Variants in NXPE3 observed in about 807,000 individuals in gnomAD.
NXPE3 encodes the protein neurexophilin and PC-esterase domain family member 3, also known as NXPE family member 3.
In NXPE3, 26 loss-of-function variants were observed where a neutral mutation model predicts 46.1. The ratio of observed to expected loss-of-function variants is 0.56; its 90% CI spans 0.41 to 0.78. The LOEUF (loss-of-function observed/expected upper bound fraction) is 0.78. NXPE3 is among the 30% of genes least tolerant of loss of function. NXPE3 has a pLI of 0.00. For missense variants in NXPE3, 620 were observed against 686.0 expected, an observed-to-expected ratio of 0.90 and a Z score of 1.07; for synonymous variants, 272 against 257.9, an observed-to-expected ratio of 1.05 and a Z score of -0.52.
In NXPE3 at chr3:101,826,334, A is replaced by G. The variant is rs969688901; in HGVS notation, c.*4380A>G. On this transcript the variant is annotated 3_prime_UTR_variant, in exon 8 of 8. Coordinates refer to ENST00000273347, the MANE Select transcript of NXPE3 (RefSeq NM_145037.4). Reference sequence around the variant, plus strand: ...CAGAAATAAGCCTCCCCAACTTTCTAAAAAACTGCTCAGCATTATCTCTGT... The same window carrying G: ...CAGAAATAAGCCTCCCCAACTTTCTGAAAAACTGCTCAGCATTATCTCTGT... 2.0e-5 allele frequency: 3 copies of G among 152,170 alleles called. No homozygotes were observed. Among genetic ancestry groups the G allele is most frequent in the African/African-American group, 7.2e-5 (3 of 41,432 alleles). The allele number at this position is 152,170 out of a possible 1,614,324, so 9.4% of individuals were successfully genotyped here.
chr3:101,798,604 T>TA (rs201050841), intron 4 of NXPE3, among the ~76,000 whole-genome samples: 27,657 of 120,790 alleles, frequency 0.23, 2,703 homozygotes, highest in Non-Finnish European at 0.27. Context: ...ATATATATAT[T>TA]TTTTTTTTTT....
At chr3:101,818,740 TA>T (rs1560067296) in intron 7 of NXPE3, among the ~76,000 whole-genome samples, 18 of 33,482 alleles carry the variant, frequency 5.4e-4, no homozygotes, top group African/African-American at 1.8e-3. Context: ...TATATATATA[TA>T]TATATATATA....
At chr3:101,803,396 A>G (rs2107303788) in intron 5 of NXPE3, among the ~76,000 whole-genome samples, 1 of 152,320 alleles carries the variant, frequency 6.6e-6, no homozygotes, top group Non-Finnish European at 1.5e-5. Context: ...TACAGTGTTT[A>G]CTGTACTGCT....
At chr3:101,790,005 G>A (rs1177440057) in intron 4 of NXPE3, among the ~76,000 whole-genome samples, 1 of 152,126 alleles carries the variant, frequency 6.6e-6, no homozygotes, top group Non-Finnish European at 1.5e-5. Context: ...ATATTATTTA[G>A]AAGTGTTATT....
intron 7 of NXPE3, 98 bp downstream of exon 7, chr3:101,817,099 A>G: frequency 9.5e-7 from 1 of 1,051,738 alleles, no homozygotes; most frequent in Admixed American, 1.8e-5. Context: ...CAGGTGAGGA[A>G]ACATATATTT....
intron 6 of NXPE3, among the ~76,000 whole-genome samples, chr3:101,807,604 A>C (rs748064838): frequency 6.6e-6 from 1 of 151,894 alleles, no homozygotes; most frequent in Non-Finnish European, 1.5e-5. Flanking sequence ...GATTACAGAC[A>C]TGTGCACGGC....
chr3:101,814,774 T>TTATTCTTCAAGA (rs1032590323), intron 6 of NXPE3, among the ~76,000 whole-genome samples: 2 of 151,668 alleles, frequency 1.3e-5, no homozygotes, highest in African/African-American at 4.8e-5. Flanking sequence ...TAGAAATGAA[T>TTATTCTTCAAGA]AAATATATAC....
rs376629391 is a variant in NXPE3 at position 101,816,990 on chromosome 3, C to T, written c.1118C>T (p.Thr373Ile). 3 of 1,613,890 alleles carry T rather than the reference C, an allele frequency of 1.9e-6. No homozygotes were observed. In the African/African-American group the frequency reaches 4.0e-5, roughly 22 times the overall value. ...TIRQWFEYLTTFVPDLVEFNL... is the reference protein window; with the variant it reads ...TIRQWFEYLTIFVPDLVEFNL... The stretch of plus-strand genomic sequence containing the variant: ...AGGCAATGGTTTGAATACCTTACTA[C>T]ATTTGTTCCAGGTTGGTACTGTGCC... Residue 373 changes from threonine (T) to isoleucine (I), a missense_variant, in exon 7 of 8, where the codon ACA becomes ATA. By Grantham distance (89) the Thr-to-Ile change is moderately conservative. Around this residue, in one of 3 missense-constraint regions of NXPE3, gnomAD observed 511 missense variants for 528.6 expected, o/e 0.97. Coordinates refer to ENST00000273347, the MANE Select transcript of NXPE3 (RefSeq NM_145037.4).
intron 4 of NXPE3, among the ~76,000 whole-genome samples, chr3:101,793,795 A>G (rs1357092652): frequency 6.6e-6 from 1 of 151,830 alleles, no homozygotes; most frequent in Non-Finnish European, 1.5e-5. Flanking sequence ...ACATATGCTT[A>G]TCATCGCTCT....
chr3:101,800,665 T>A (rs558249427), intron 4 of NXPE3, among the ~76,000 whole-genome samples: 68 of 152,340 alleles, frequency 4.5e-4, no homozygotes, highest in Non-Finnish European at 8.4e-4. Context: ...CCTCACATGT[T>A]TTGATACTCA....
At position 101,801,381 on chromosome 3, in the gene NXPE3, C is replaced by T; in HGVS notation, c.240C>T (p.Ser80=). ...LSSQERMEED[S]LLAALHRQVP... ...GCCAGGAGCGCATGGAGGAGGACTC[C>T]TTGCTGGCTGCCTTGCACCGGCAGG... The change falls in exon 5 of 8, where the codon TCC becomes TCT. Residue 80 remains serine (S), a synonymous_variant. Transcript: ENST00000273347. 2 of 1,614,228 alleles carry T rather than the reference C, an allele frequency of 1.2e-6. No individual in the cohort carries two copies. Among genetic ancestry groups the T allele is most frequent in the Non-Finnish European group, 8.5e-7 (1 of 1,180,052 alleles).
At chr3:101,791,200 G>A (rs1314779758) in intron 4 of NXPE3, among the ~76,000 whole-genome samples, 1 of 151,968 alleles carries the variant, frequency 6.6e-6, no homozygotes, top group African/African-American at 2.4e-5. Context: ...GCCGTATTTG[G>A]TTTTCTGTTC....
chr3:101,812,049 A>C (rs1941737372), intron 6 of NXPE3, among the ~76,000 whole-genome samples: 1 of 152,090 alleles, frequency 6.6e-6, no homozygotes, highest in African/African-American at 2.4e-5. Flanking sequence ...CAGTAGTGAA[A>C]TTTATCAACC....
At chr3:101,788,598 AG>A (rs1940326001) in intron 4 of NXPE3, among the ~76,000 whole-genome samples, 1 of 152,204 alleles carries the variant, frequency 6.6e-6, no homozygotes, top group Admixed American at 6.5e-5. Flanking sequence ...AGTTATTTTT[AG>A]GTGTACAGGT....
At chr3:101,816,735 AT>A in intron 6 of NXPE3, 59 bp from the exon 7 acceptor site, 2 of 1,324,116 alleles carry the variant, frequency 1.5e-6, no homozygotes, top group Non-Finnish European at 2.1e-6. Flanking sequence ...TTCTTGGGAC[AT>A]TTTTCATCTA....
intron 4 of NXPE3, among the ~76,000 whole-genome samples, chr3:101,794,252 A>T (rs559446925): frequency 6.6e-6 from 1 of 152,026 alleles, no homozygotes; most frequent in Admixed American, 6.6e-5. Context: ...AGAGGATGAG[A>T]TCTAGAGCAC....
chr3:101,810,769 T>G (rs527646526), intron 6 of NXPE3, among the ~76,000 whole-genome samples: 2 of 152,304 alleles, frequency 1.3e-5, no homozygotes, highest in African/African-American at 4.8e-5. Context: ...AAACTCAGTC[T>G]TACAACCACA....
chr3:101,817,067 C>T (rs1942007863), intron 7 of NXPE3, 66 bp downstream of exon 7: 3 of 1,386,834 alleles, frequency 2.2e-6, no homozygotes, highest in South Asian at 1.2e-5. Flanking sequence ...CAGACTCACT[C>T]AGGTGCCTGA....
intron 4 of NXPE3, among the ~76,000 whole-genome samples, chr3:101,794,509 G>GT (rs929903414): frequency 4.6e-5 from 7 of 152,124 alleles, no homozygotes; most frequent in African/African-American, 1.7e-4. Flanking sequence ...TGAAATAATG[G>GT]TTTTCTAGAT....
Sources: gnomAD v4.1 joint callset for allele counts (sites outside exome capture counted in the v4.1 genomes callset) on GRCh38, gnomAD v4.1.1 for gene constraint, gnomAD v4.1.1 regional missense constraint, MANE v1.5 for transcripts, NCBI Gene and HGNC (gene_info 2026-07-23, HGNC 2026-07-21) for gene names.